The following GPHN variants were observed in gnomAD, a reference collection of about 807,000 sequenced individuals.
GPHN encodes the protein gephyrin.
In GPHN, 17 loss-of-function variants were observed where a neutral mutation model predicts 95.5. The ratio of observed to expected loss-of-function variants is 0.18; its 90% CI spans 0.12 to 0.27. GPHN has a LOEUF of 0.27. Ranked by LOEUF, GPHN falls within the 10% of genes least tolerant of loss-of-function variation. GPHN has a pLI of 1.00. For synonymous variants in GPHN, 320 were observed against 322.5 expected (o/e 0.99, Z 0.08); for missense variants, 660 against 978.1 (o/e 0.67, Z 4.34).
chr14:66,524,662 G>A (rs950156256), intron 1 of GPHN, among the ~76,000 whole-genome samples: 14 of 151,412 alleles, frequency 9.2e-5, no homozygotes, highest in Non-Finnish European at 1.6e-4. Context: ...CCCACACCCC[G>A]ACAGGCCCCA....
chr14:67,314,535 TA>T, the GPHN span, among the ~76,000 whole-genome samples: 1 of 152,218 alleles, frequency 6.6e-6, no homozygotes, highest in Non-Finnish European at 1.5e-5. Flanking sequence ...GAGTAACAGT[TA>T]CAGGACATTT....
At chr14:67,552,846 C>T in the GPHN span, among the ~76,000 whole-genome samples, 1,092 of 152,024 alleles carry the variant, frequency 7.2e-3, 6 homozygotes, top group Non-Finnish European at 0.012. Flanking sequence ...CAGAGGGTGA[C>T]CCAGGGCTGG....
At chr14:66,515,361 G>C (rs1039073799) in intron 1 of GPHN, among the ~76,000 whole-genome samples, 1 of 152,078 alleles carries the variant, frequency 6.6e-6, no homozygotes, top group Non-Finnish European at 1.5e-5. Context: ...ATTACTAAAA[G>C]GATAGTTTAG....
chr14:66,982,454 G>A (rs2070740510), intron 9 of GPHN, among the ~76,000 whole-genome samples: 1 of 152,082 alleles, frequency 6.6e-6, no homozygotes, highest in African/African-American at 2.4e-5. Flanking sequence ...TAATCCCTGA[G>A]GAAAGATTCC....
chr14:67,013,155 A>G (rs80101707), intron 9 of GPHN, among the ~76,000 whole-genome samples: 2 of 151,978 alleles, frequency 1.3e-5, no homozygotes, highest in Non-Finnish European at 2.9e-5. Context: ...TATTATTATT[A>G]TTGTTAATTT....
the GPHN span, among the ~76,000 whole-genome samples, chr14:67,295,461 G>T: frequency 6.6e-6 from 1 of 150,678 alleles, no homozygotes; most frequent in South Asian, 2.1e-4. Flanking sequence ...CTGCATTCCA[G>T]TCTGGGCGAC....
chr14:67,436,042 A>G, the GPHN span, among the ~76,000 whole-genome samples: 2 of 152,210 alleles, frequency 1.3e-5, no homozygotes, highest in East Asian at 1.9e-4. Flanking sequence ...CAGAGGGCTT[A>G]CTTCCCTTAG....
the GPHN span, among the ~76,000 whole-genome samples, chr14:67,695,379 A>G: frequency 0.093 from 14,223 of 152,208 alleles, 693 homozygotes; most frequent in Middle Eastern, 0.2. Context: ...GGGGGTGCTT[A>G]GACAAAAGAA....
At chr14:67,716,773 A>G in the GPHN span, among the ~76,000 whole-genome samples, 1 of 151,886 alleles carries the variant, frequency 6.6e-6, no homozygotes, top group Non-Finnish European at 1.5e-5. Flanking sequence ...GGGTCCAGCT[A>G]TTCAGGAGGC....
intron 4 of GPHN, among the ~76,000 whole-genome samples, chr14:66,845,901 G>A (rs1348014899): frequency 6.6e-6 from 1 of 151,994 alleles, no homozygotes; most frequent in African/African-American, 2.4e-5. Context: ...CTGTGTGTGT[G>A]TTTTAATCCA....
At chr14:66,981,931 C>T (rs1349202958) in intron 9 of GPHN, among the ~76,000 whole-genome samples, 1 of 151,904 alleles carries the variant, frequency 6.6e-6, no homozygotes, top group African/African-American at 2.4e-5. Flanking sequence ...ACCTTGGTTC[C>T]CTTATCAGTA....
chr14:66,934,887 T>A (rs1289765371), intron 8 of GPHN, among the ~76,000 whole-genome samples: 1 of 152,160 alleles, frequency 6.6e-6, no homozygotes, highest in Non-Finnish European at 1.5e-5. Context: ...TTAACTATTA[T>A]AATATACCTG....
At chr14:67,457,524 G>A in the GPHN span, among the ~76,000 whole-genome samples, 1 of 152,214 alleles carries the variant, frequency 6.6e-6, no homozygotes, top group African/African-American at 2.4e-5. Context: ...AGGATCATTT[G>A]AGCCCAGGAG....
the GPHN span, chr14:67,541,891 G>A: frequency 1.2e-6 from 2 of 1,601,690 alleles, no homozygotes; most frequent in Non-Finnish European, 1.7e-6. Flanking sequence ...AGGTGGAGGC[G>A]CCGGCCAGCG....
the GPHN span, among the ~76,000 whole-genome samples, chr14:67,406,416 T>A: frequency 2.6e-5 from 4 of 151,864 alleles, no homozygotes; most frequent in Non-Finnish European, 5.9e-5. Flanking sequence ...GTCTTCCTGG[T>A]TGTGTGGAGT....
chr14:66,698,351 G>A (rs1039797851), intron 2 of GPHN, among the ~76,000 whole-genome samples: 2 of 152,126 alleles, frequency 1.3e-5, no homozygotes, highest in South Asian at 4.1e-4. Flanking sequence ...TGAAATCTGT[G>A]TGAAATTACA....
chr14:67,200,153 C>T, the GPHN span: 4 of 1,150,682 alleles, frequency 3.5e-6, no homozygotes, highest in Non-Finnish European at 2.5e-6. Context: ...ATGGGTCACC[C>T]AGGTCCTATG....
chr14:67,198,929 A>C, the GPHN span: 72 of 699,876 alleles, frequency 1.0e-4, 2 homozygotes, highest in South Asian at 1.1e-3. Flanking sequence ...AAAGTCTAAC[A>C]CTAAACACTG....
intron 3 of GPHN, among the ~76,000 whole-genome samples, chr14:66,796,118 CATA>C (rs1300860301): frequency 6.6e-6 from 1 of 152,142 alleles, no homozygotes; most frequent in East Asian, 1.9e-4. Flanking sequence ...TTTCACTTAA[CATA>C]ATGACATCCA....
Sources: allele counts gnomAD v4.1 joint callset (sites outside exome capture counted in the v4.1 genomes callset), GRCh38; gene constraint gnomAD v4.1.1; transcripts MANE v1.5; gene names NCBI Gene and HGNC (gene_info 2026-07-23, HGNC 2026-07-21).